Variants in PPP3R1 observed in about 807,000 individuals in gnomAD.
PPP3R1 encodes the protein calcineurin subunit B type 1.
PPP3R1 carries 5 observed loss-of-function variants against 22.6 expected under a neutral mutation model. That is an observed-to-expected ratio of 0.22 (90% CI 0.12 to 0.46). The LOEUF (loss-of-function observed/expected upper bound fraction) is 0.46. Ranked by LOEUF, PPP3R1 falls within the 20% of genes least tolerant of loss-of-function variation. PPP3R1 has a pLI of 0.99. For synonymous variants in PPP3R1, 56 were observed against 65.2 expected, an observed-to-expected ratio of 0.86 and a Z score of 0.68; for missense variants, 61 against 203.2, an observed-to-expected ratio of 0.30 and a Z score of 4.25.
At chr2:68,218,956 C>T (rs1669632345) in intron 1 of PPP3R1, among the ~76,000 whole-genome samples, 1 of 152,094 alleles carries the variant, frequency 6.6e-6, no homozygotes, top group Admixed American at 6.5e-5. Flanking sequence ...CAGTCCAGGG[C>T]TCCTAAGGAC....
intron 1 of PPP3R1, among the ~76,000 whole-genome samples, chr2:68,241,532 T>C (rs1341950486): frequency 6.6e-6 from 1 of 152,158 alleles, no homozygotes; most frequent in Non-Finnish European, 1.5e-5. Context: ...CAACTCCAAA[T>C]CTCATGCTGG....
rs1002675800 is a variant in PPP3R1, at chr2:68,178,905, A to G, written c.*2058T>C. On this transcript the variant is annotated 3_prime_UTR_variant, in exon 6 of 6. Coordinates refer to ENST00000234310, the MANE Select transcript of PPP3R1 (RefSeq NM_000945.4). ...TTATTCATACAGTATGAAGTTTTCT[A>G]AAGATCCCACAACATGACGTATCAT... 5 of 152,210 alleles carry G rather than the reference A, an allele frequency of 3.3e-5. No homozygotes were observed. Among genetic ancestry groups the G allele is most frequent in the Non-Finnish European group, 7.4e-5 (5 of 67,972 alleles). The allele number at this position is 152,210 out of a possible 1,614,324, so 9.4% of individuals were successfully genotyped here. A position where few individuals can be genotyped will look rare whatever the true frequency, so the allele number is the denominator to read the frequency against.
At chr2:68,232,091 T>A (rs2103793950) in intron 1 of PPP3R1, among the ~76,000 whole-genome samples, 1 of 106,690 alleles carries the variant, frequency 9.4e-6, no homozygotes, top group South Asian at 3.9e-4. Flanking sequence ...AATACCCGTA[T>A]CTACTAAAAA....
chr2:68,236,292 AT>A (rs766016113), intron 1 of PPP3R1, among the ~76,000 whole-genome samples: 35 of 152,278 alleles, frequency 2.3e-4, no homozygotes, highest in African/African-American at 8.2e-4. Context: ...ACACTCATTC[AT>A]TTATGTACTG....
intron 1 of PPP3R1, among the ~76,000 whole-genome samples, chr2:68,230,678 T>C (rs1669879863): frequency 1.3e-5 from 2 of 152,218 alleles, no homozygotes; most frequent in African/African-American, 4.8e-5. Flanking sequence ...AGAATGTCTT[T>C]TGTTATCTTT....
chr2:68,205,015 C>T (rs910771056), intron 2 of PPP3R1, among the ~76,000 whole-genome samples: 8 of 152,068 alleles, frequency 5.3e-5, no homozygotes, highest in African/African-American at 1.9e-4. Flanking sequence ...TGATTTTATT[C>T]TTGGTTACTT....
chr2:68,215,850 TAAATA>T (rs1206661149), intron 2 of PPP3R1, among the ~76,000 whole-genome samples: 1 of 152,020 alleles, frequency 6.6e-6, no homozygotes, highest in East Asian at 1.9e-4. Flanking sequence ...TAGGGCTAAA[TAAATA>T]AAACTACCAT....
intron 2 of PPP3R1, among the ~76,000 whole-genome samples, chr2:68,211,694 G>C (rs992826764): frequency 6.6e-6 from 1 of 152,116 alleles, no homozygotes. Flanking sequence ...TTCAAACCCT[G>C]CTGCTGCTTT....
chr2:68,202,721 G>A (rs935313706), intron 2 of PPP3R1, among the ~76,000 whole-genome samples: 1 of 151,212 alleles, frequency 6.6e-6, no homozygotes, highest in Non-Finnish European at 1.5e-5. Flanking sequence ...CACTGTGCCC[G>A]GCCAGTCCTT....
At chr2:68,229,027 T>A (rs1669835737) in intron 1 of PPP3R1, among the ~76,000 whole-genome samples, 1 of 152,116 alleles carries the variant, frequency 6.6e-6, no homozygotes, top group Admixed American at 6.6e-5. Context: ...TTATGTTTTC[T>A]GGGGGGTTTT....
intron 2 of PPP3R1, 73 bp downstream of exon 2, chr2:68,217,019 C>T (rs963435603): frequency 2.1e-5 from 22 of 1,030,238 alleles, no homozygotes; most frequent in Non-Finnish European, 2.8e-5. Context: ...GATACACACA[C>T]ACACACACAC....
intron 1 of PPP3R1, among the ~76,000 whole-genome samples, chr2:68,220,890 G>C (rs1034901485): frequency 6.6e-6 from 1 of 152,138 alleles, no homozygotes; most frequent in Non-Finnish European, 1.5e-5. Context: ...GCCAGTTGCT[G>C]GGGGAGGAGG....
chr2:68,251,001 T>C (rs1670337525), intron 1 of PPP3R1: 1 of 152,244 alleles, frequency 6.6e-6, no homozygotes, highest in African/African-American at 2.4e-5. Flanking sequence ...CGTCAACCAG[T>C]TTAAGTCTTC....
chr2:68,185,264 G>A (rs1674511115), intron 5 of PPP3R1, among the ~76,000 whole-genome samples: 1 of 148,376 alleles, frequency 6.7e-6, no homozygotes, highest in Non-Finnish European at 1.5e-5. Context: ...AATAAATATT[G>A]GAAAATAAAC....
intron 2 of PPP3R1, among the ~76,000 whole-genome samples, chr2:68,206,897 C>G (rs1441145621): frequency 6.6e-6 from 1 of 152,122 alleles, no homozygotes; most frequent in Non-Finnish European, 1.5e-5. Flanking sequence ...TGAGAGGACA[C>G]TGTGGCTGGG....
chr2:68,190,713 G>A (rs1674648480), intron 2 of PPP3R1, among the ~76,000 whole-genome samples: 2 of 152,158 alleles, frequency 1.3e-5, no homozygotes, highest in Non-Finnish European at 2.9e-5. Context: ...TGAAAACTAA[G>A]GACACAGATG....
Position 68,189,600 on chromosome 2 carries a change from G to GCTCA in PPP3R1, c.44-914_44-911dup, listed in dbSNP as rs1674618735. On this transcript the variant is annotated intron_variant, in intron 2 of 5. Coordinates refer to ENST00000234310, the MANE Select transcript of PPP3R1 (RefSeq NM_000945.4). ...TAAATACAACGGGCCAGGCGCAATG[G>GCTCA]CTCACGCTTGTAATCCCAGCACTTT... Among the ~76,000 whole-genome samples, 6 of 152,244 alleles carry GCTCA rather than the reference G, an allele frequency of 3.9e-5. No homozygotes were observed. In the South Asian group the frequency reaches 1.2e-3, roughly 32 times the overall value.
rs1669594662 is a variant in PPP3R1, at chr2:68,217,111, A to C, written c.24T>G (p.Pro8=). Residue 8 remains proline, a synonymous_variant, in exon 2 of 6, where the codon CCT becomes CCG. Transcript: ENST00000234310. MGNEASY[P]LEMCSHFDAD... is the part of the protein sequence containing the mutation. ...ACTTACAGTGTGAGCACATTTCCAA[A>C]GGATAACTTGCCTCATTTCCCTGGG... 6.3e-7 allele frequency: 1 copy of C among 1,597,358 alleles called. No individual in the cohort carries two copies. The highest frequency in any genetic ancestry group is 1.3e-5 in the African/African-American group (1 of 74,694).
intron 1 of PPP3R1, among the ~76,000 whole-genome samples, chr2:68,223,446 C>A (rs1258759777): frequency 6.6e-6 from 1 of 151,974 alleles, no homozygotes; most frequent in Middle Eastern, 3.2e-3. Context: ...TCTCTATGAC[C>A]AATAATGTAA....
Sources: gnomAD v4.1 joint callset for allele counts (sites outside exome capture counted in the v4.1 genomes callset) on GRCh38, gnomAD v4.1.1 for gene constraint, MANE v1.5 for transcripts, NCBI Gene and HGNC (gene_info 2026-07-23, HGNC 2026-07-21) for gene names.